The following ATXN2 variants were observed in gnomAD, a reference collection of about 807,000 sequenced individuals.
ATXN2 encodes the protein ataxin-2.
In ATXN2, 37 loss-of-function variants were observed where a neutral mutation model predicts 138.6. The observed-to-expected ratio is 0.27, with a 90% CI of 0.21 to 0.35. The LOEUF (loss-of-function observed/expected upper bound fraction) is 0.35. Among genes scored for constraint, ATXN2 ranks in the 10% least tolerant of loss-of-function variants. ATXN2 has a pLI of 1.00. For missense variants in ATXN2, 1,216 were observed against 1,480.3 expected (o/e 0.82, Z 2.93); for synonymous variants, 549 against 543.7 (o/e 1.01, Z -0.13).
At chr12:111,579,430 T>C (rs1364429997) in intron 1 of ATXN2, among the ~76,000 whole-genome samples, 1 of 151,880 alleles carries the variant, frequency 6.6e-6, no homozygotes, top group Non-Finnish European at 1.5e-5. Context: ...GCCTGGCTAA[T>C]TTTGTATTTT....
intron 1 of ATXN2, among the ~76,000 whole-genome samples, chr12:111,580,161 G>A (rs1284503323): frequency 2.6e-5 from 4 of 151,822 alleles, no homozygotes; most frequent in Non-Finnish European, 4.4e-5. Flanking sequence ...CAGAAAGTTC[G>A]GTGTGGTTAG....
At position 111,516,085 on chromosome 12, in the gene ATXN2, T is replaced by C; in HGVS notation, c.1375+69A>G. The C allele has an allele frequency of 7.1e-7, 1 of 1,401,380 alleles. No homozygotes were observed. The highest frequency in any genetic ancestry group is 9.7e-7 in the Non-Finnish European group (1 of 1,029,840). 86.8% of individuals were successfully genotyped at this position (1,401,380 alleles called of 1,614,324 possible). ...TTAAATAATGAAGAGGAAACTATTTTGTAATTATAAACTCACATAGGAGTT... is the reference window on the plus strand; with the variant it reads ...TTAAATAATGAAGAGGAAACTATTTCGTAATTATAAACTCACATAGGAGTT... On this transcript the variant is annotated intron_variant, in intron 10 of 24. Coordinates refer to ENST00000673436, the MANE Select transcript of ATXN2 (RefSeq NM_001372574.1). The surrounding 1 kb of genome is among the most constrained non-coding windows in gnomAD (Gnocchi z 5.0).
chr12:111,516,585 C>T lies in ATXN2; in HGVS notation c.1166-222G>A, dbSNP rs1364913175. Among the ~76,000 whole-genome samples, 1 of 152,126 alleles carries T rather than the reference C, an allele frequency of 6.6e-6. No homozygotes were observed. The highest frequency in any genetic ancestry group is 2.4e-5 in the African/African-American group (1 of 41,424). On this transcript the variant is annotated intron_variant, in intron 9 of 24. Coordinates refer to ENST00000673436, the MANE Select transcript of ATXN2 (RefSeq NM_001372574.1). The surrounding 1 kb of genome is among the most constrained non-coding windows in gnomAD (Gnocchi z 5.0). ...GATTAAGTCTGTTTAAATGAATACA[C>T]GTTCCCAAAGGGTTAATTAGGATCT...
chr12:111,484,928 C>CT (rs2135697744), intron 18 of ATXN2, among the ~76,000 whole-genome samples: 1 of 152,162 alleles, frequency 6.6e-6, no homozygotes, highest in African/African-American at 2.4e-5. Flanking sequence ...GACAAAGTCT[C>CT]TGTTGTCCAG....
chr12:111,456,280 G>T, intron 22 of ATXN2, 24 bp from the exon 23 acceptor site: 1 of 1,612,292 alleles, frequency 6.2e-7, no homozygotes, highest in South Asian at 1.1e-5. Context: ...GGAAAGAATT[G>T]AGAGGAAAAC....
rs376792108 is a variant in ATXN2, at chr12:111,487,171, C to T, written c.2241-347G>A. Among the ~76,000 whole-genome samples, 17 of 152,010 alleles carry T rather than the reference C, an allele frequency of 1.1e-4. No individual in the cohort carries two copies. The South Asian group carries it at 3.6e-3, about 32-fold the overall frequency. On this transcript the variant is annotated intron_variant, in intron 15 of 24. Coordinates refer to ENST00000673436, the MANE Select transcript of ATXN2 (RefSeq NM_001372574.1). ...TTGGCTCACTGCAACCTCTGCCTCCCGAGTTTAAGCCATTCTCTTGCCTTA... is the reference window on the plus strand; with the variant it reads ...TTGGCTCACTGCAACCTCTGCCTCCTGAGTTTAAGCCATTCTCTTGCCTTA...
intron 20 of ATXN2, 34 bp from the exon 21 acceptor site, chr12:111,464,749 T>A (rs1449482970): frequency 5.1e-6 from 8 of 1,565,708 alleles, no homozygotes; most frequent in Non-Finnish European, 7.0e-6. Flanking sequence ...AAATTAGCCT[T>A]TTGAGGTGTG....
chr12:111,524,277 G>A (rs1289922559), intron 6 of ATXN2, among the ~76,000 whole-genome samples: 1 of 152,178 alleles, frequency 6.6e-6, no homozygotes, highest in Non-Finnish European at 1.5e-5. Context: ...GAGGAAGAGT[G>A]TCATTATTAA....
At chr12:111,554,844 G>T (rs1202629855) in intron 2 of ATXN2, among the ~76,000 whole-genome samples, 1 of 152,122 alleles carries the variant, frequency 6.6e-6, no homozygotes, top group Non-Finnish European at 1.5e-5. Flanking sequence ...ATAAATAAAT[G>T]GGGTAGGAAG....
chr12:111,509,010 T>C (rs749093172), intron 14 of ATXN2, among the ~76,000 whole-genome samples: 1 of 152,172 alleles, frequency 6.6e-6, no homozygotes, highest in Non-Finnish European at 1.5e-5. Context: ...AGAAGATTTA[T>C]TGGTTGGTCT....
intron 14 of ATXN2, among the ~76,000 whole-genome samples, chr12:111,505,422 C>G (rs1879046599): frequency 6.6e-6 from 1 of 152,104 alleles, no homozygotes; most frequent in Non-Finnish European, 1.5e-5. Flanking sequence ...ACCAACAGAA[C>G]AGGAGAAAAC....
chr12:111,545,483 C>A (rs1265926852), intron 5 of ATXN2, among the ~76,000 whole-genome samples: 1 of 151,740 alleles, frequency 6.6e-6, no homozygotes, highest in Non-Finnish European at 1.5e-5. Flanking sequence ...ATAGCCCCAG[C>A]TACTCAGGAG....
chr12:111,590,511 C>G (rs949595596), intron 1 of ATXN2, among the ~76,000 whole-genome samples: 1 of 151,876 alleles, frequency 6.6e-6, no homozygotes, highest in African/African-American at 2.4e-5. Context: ...ATGGTGAAAC[C>G]CCGTCTCTAC....
At chr12:111,520,521 C>T (rs1029710909) in intron 7 of ATXN2, among the ~76,000 whole-genome samples, 2 of 152,026 alleles carry the variant, frequency 1.3e-5, no homozygotes, top group Non-Finnish European at 2.9e-5. Flanking sequence ...CATGGTAGCA[C>T]GCGCCTATAG....
At chr12:111,462,971 T>TACACACAC (rs1403412784) in intron 21 of ATXN2, among the ~76,000 whole-genome samples, 35 of 136,560 alleles carry the variant, frequency 2.6e-4, no homozygotes, top group Middle Eastern at 3.8e-3. Context: ...TACATATATA[T>TACACACAC]ATATATACAC....
Position 111,599,122 on chromosome 12 carries a change from C to G in ATXN2, c.-88G>C, listed in dbSNP as rs1885124477. 2.4e-6 allele frequency: 3 copies of G among 1,237,380 alleles called. No homozygotes were observed. 76.7% of individuals were successfully genotyped at this position (1,237,380 alleles called of 1,614,324 possible). A position where few individuals can be genotyped will look rare whatever the true frequency, so the allele number is the denominator to read the frequency against. On this transcript the variant is annotated 5_prime_UTR_variant, in exon 1 of 25. Coordinates refer to ENST00000673436, the MANE Select transcript of ATXN2 (RefSeq NM_001372574.1). The stretch of plus-strand genomic sequence containing the variant: ...AGGAGACGCCGGAACGCGGCGGGGA[C>G]GCGCGGGCGCCGAGCGGGGAGGCGC...
intron 1 of ATXN2, among the ~76,000 whole-genome samples, chr12:111,569,299 TA>T (rs1268205057): frequency 6.6e-6 from 1 of 152,178 alleles, no homozygotes; most frequent in Non-Finnish European, 1.5e-5. Flanking sequence ...TATCTTTTCA[TA>T]AGGTTGTGGA....
chr12:111,541,127 C>T (rs1316991334), intron 5 of ATXN2, among the ~76,000 whole-genome samples: 1 of 148,840 alleles, frequency 6.7e-6, no homozygotes, highest in Non-Finnish European at 1.5e-5. Context: ...CCAGTGTAGT[C>T]TGGGTGTTGT....
intron 6 of ATXN2, among the ~76,000 whole-genome samples, chr12:111,521,451 G>A (rs535596978): frequency 6.6e-6 from 1 of 152,282 alleles, no homozygotes; most frequent in East Asian, 1.9e-4. Context: ...AGAAAGAAGG[G>A]AGAAGCCAAC....
Sources: gnomAD v4.1 joint callset for allele counts (sites outside exome capture counted in the v4.1 genomes callset) on GRCh38, gnomAD v4.1.1 for gene constraint, Gnocchi (gnomAD v3.1) non-coding constraint, MANE v1.5 for transcripts, NCBI Gene and HGNC (gene_info 2026-07-23, HGNC 2026-07-21) for gene names.